The following QTMAN variants were observed in gnomAD, a reference collection of about 807,000 sequenced individuals.
QTMAN encodes queuosine-tRNA mannosyltransferase, also known as tRNA-queuosine alpha-mannosyltransferase.
chr2:144,122,485 G>A, the QTMAN span, among the ~76,000 whole-genome samples: 1 of 152,100 alleles, frequency 6.6e-6, no homozygotes, highest in Non-Finnish European at 1.5e-5. Context: ...GTGAATTGCG[G>A]GTGTTTTACA....
chr2:144,282,813 C>T, the QTMAN span, among the ~76,000 whole-genome samples: 2 of 152,086 alleles, frequency 1.3e-5, no homozygotes, highest in South Asian at 4.1e-4. Flanking sequence ...AGCTTGGAAC[C>T]TTCAGTTCCA....
the QTMAN span, among the ~76,000 whole-genome samples, chr2:144,311,633 A>T: frequency 5.3e-5 from 8 of 152,162 alleles, no homozygotes; most frequent in African/African-American, 1.7e-4. Context: ...GGCTTTGTTT[A>T]TTCCCTCATG....
At chr2:143,939,633 A>G in the QTMAN span, 1 of 152,212 alleles carries the variant, frequency 6.6e-6, no homozygotes, top group South Asian at 2.1e-4. Flanking sequence ...TTAAGAGCTT[A>G]TAATTGTCCC....
the QTMAN span, among the ~76,000 whole-genome samples, chr2:144,017,481 A>C: frequency 6.6e-6 from 1 of 152,164 alleles, no homozygotes; most frequent in East Asian, 1.9e-4. Flanking sequence ...AGAGGTAAGG[A>C]TTAAGCATCT....
At chr2:143,990,776 T>G in the QTMAN span, among the ~76,000 whole-genome samples, 1 of 152,032 alleles carries the variant, frequency 6.6e-6, no homozygotes, top group African/African-American at 2.4e-5. Context: ...TAAAGTCCCA[T>G]AAGCAAAGAG....
chr2:144,215,731 A>C, the QTMAN span, among the ~76,000 whole-genome samples: 1 of 152,234 alleles, frequency 6.6e-6, no homozygotes, highest in Non-Finnish European at 1.5e-5. Flanking sequence ...CAAATGTGGC[A>C]GCATATTTAT....
chr2:144,174,348 A>G, the QTMAN span, among the ~76,000 whole-genome samples: 1 of 152,202 alleles, frequency 6.6e-6, no homozygotes, highest in Non-Finnish European at 1.5e-5. Flanking sequence ...TGGGGATGTC[A>G]TAGCCTCCCC....
the QTMAN span, chr2:144,179,062 T>C: frequency 1.1e-4 from 48 of 422,122 alleles, no homozygotes; most frequent in African/African-American, 4.4e-4. Flanking sequence ...AGTTAAAAAA[T>C]AGGAATACTT....
the QTMAN span, among the ~76,000 whole-genome samples, chr2:144,015,822 T>C: frequency 6.6e-6 from 1 of 152,216 alleles, no homozygotes; most frequent in Non-Finnish European, 1.5e-5. Context: ...ACAGAGACTG[T>C]ACTGGCACTT....
the QTMAN span, among the ~76,000 whole-genome samples, chr2:144,330,362 T>A: frequency 6.6e-6 from 1 of 152,188 alleles, no homozygotes; most frequent in African/African-American, 2.4e-5. Flanking sequence ...TGTAGGTTTG[T>A]GTGAGTACAT....
chr2:144,297,106 C>CA, the QTMAN span, among the ~76,000 whole-genome samples: 1 of 151,968 alleles, frequency 6.6e-6, no homozygotes, highest in South Asian at 2.1e-4. Context: ...TTAGAAAACA[C>CA]AAAGAGTCAA....
the QTMAN span, among the ~76,000 whole-genome samples, chr2:144,256,690 G>A: frequency 6.6e-6 from 1 of 152,004 alleles, no homozygotes; most frequent in African/African-American, 2.4e-5. Flanking sequence ...TCACACACAG[G>A]GGCCCATCGG....
chr2:144,186,287 C>T, the QTMAN span, among the ~76,000 whole-genome samples: 3 of 152,266 alleles, frequency 2.0e-5, no homozygotes, highest in South Asian at 6.2e-4. Context: ...TTAGTTACAT[C>T]ATGCCCTGTT....
chr2:144,324,649 G>C, the QTMAN span, among the ~76,000 whole-genome samples: 1 of 152,060 alleles, frequency 6.6e-6, no homozygotes, highest in Non-Finnish European at 1.5e-5. Flanking sequence ...TCCGGACACA[G>C]AGCTTGCTGA....
the QTMAN span, among the ~76,000 whole-genome samples, chr2:143,983,083 T>A: frequency 3.9e-5 from 6 of 152,190 alleles, no homozygotes; most frequent in Admixed American, 3.9e-4. Flanking sequence ...ATAGTTTACA[T>A]GAACAATAAA....
the QTMAN span, among the ~76,000 whole-genome samples, chr2:144,303,086 A>G: frequency 2.0e-5 from 3 of 152,294 alleles, no homozygotes; most frequent in African/African-American, 4.8e-5. Flanking sequence ...TGGGTGACAG[A>G]GACAGAGCGA....
At chr2:144,107,210 A>G in the QTMAN span, among the ~76,000 whole-genome samples, 1 of 152,326 alleles carries the variant, frequency 6.6e-6, no homozygotes, top group East Asian at 1.9e-4. Flanking sequence ...GAGAAGCAAG[A>G]GCAAACACGT....
the QTMAN span, among the ~76,000 whole-genome samples, chr2:144,039,980 AGAAATATGT>A: frequency 6.6e-6 from 1 of 152,206 alleles, no homozygotes; most frequent in African/African-American, 2.4e-5. Flanking sequence ...CTCTGCTTTA[AGAAATATGT>A]GTCACTTTGT....
the QTMAN span, among the ~76,000 whole-genome samples, chr2:144,051,372 A>AT: frequency 8.2e-4 from 121 of 147,826 alleles, no homozygotes; most frequent in Admixed American, 3.0e-3. Context: ...CTCTACAAAC[A>AT]TTTTTTTTTT....
Sources: allele counts gnomAD v4.1 joint callset (sites outside exome capture counted in the v4.1 genomes callset), GRCh38; gene constraint gnomAD v4.1.1; transcripts MANE v1.5; gene names NCBI Gene and HGNC (gene_info 2026-07-23, HGNC 2026-07-21).